ARID1A: variants seen among roughly 807,000 people sequenced by gnomAD.
The protein encoded by ARID1A is AT-rich interaction domain 1A, also known as AT-rich interactive domain-containing protein 1A.
Under a neutral mutation model 212.6 loss-of-function variants are expected in ARID1A, and 20 were observed. The ratio of observed to expected loss-of-function variants is 0.09; its 90% CI spans 0.07 to 0.14. ARID1A has a LOEUF of 0.14. Ranked by LOEUF, ARID1A falls within the 10% of genes least tolerant of loss-of-function variation. The probability of loss-of-function intolerance (pLI) is 1.00; values close to 1 mark genes in which losing one functional copy is unlikely to be tolerated. For missense variants in ARID1A, 2,587 were observed against 3,059.0 expected (o/e 0.85, Z 3.64); for synonymous variants, 1,376 against 1,222.1 (o/e 1.13, Z -2.63).
At chr1:26,764,615 C>T (rs1287419029) in intron 8 of ARID1A, 1 of 152,126 alleles carries the variant, frequency 6.6e-6, no homozygotes, top group Non-Finnish European at 1.5e-5. Context: ...GGGCGATTGA[C>T]TATAAAGAGG....
At chr1:26,744,668 G>A (rs1387725477) in intron 4 of ARID1A, among the ~76,000 whole-genome samples, 1 of 152,078 alleles carries the variant, frequency 6.6e-6, no homozygotes, top group Non-Finnish European at 1.5e-5. Flanking sequence ...GAAGACACTT[G>A]GTATCCTCTC....
Position 26,775,701 on chromosome 1 carries a change from C to T in ARID1A, c.5118C>T (p.Leu1706=), listed in dbSNP as rs573488283. Residue 1706 remains leucine, a synonymous_variant, in exon 19 of 20, where the codon CTC becomes CTT. Transcript: ENST00000324856. ...ACAACAGCATCATGACCTTCAACCT[C>T]AGTCAGGTGAGTATCAGTGCCTGGG... ...YDDNSIMTFN[L]SQLPGLLELL... 3 of 1,614,232 alleles carry T rather than the reference C, an allele frequency of 1.9e-6. No homozygotes were observed. The highest frequency in any genetic ancestry group is 2.5e-6 in the Non-Finnish European group (3 of 1,180,044).
Position 26,780,087 on chromosome 1 carries a change from A to G in ARID1A, c.6189A>G (p.Thr2063=), listed in dbSNP as rs370784034. 1.9e-6 allele frequency: 3 copies of G among 1,613,768 alleles called. No homozygotes were observed. The highest frequency in any genetic ancestry group is 3.3e-5 in the Admixed American group (2 of 59,972). ...LEMLRENTLV[T]LANISGQLDL... The stretch of plus-strand genomic sequence containing the variant: ...TGCTCCGGGAAAACACCTTGGTTAC[A>G]CTCGCCAACATCTCGGGGCAGTTGG... The change falls in exon 20 of 20, where the codon ACA becomes ACG. Residue 2063 remains threonine, a synonymous_variant. Coordinates refer to ENST00000324856, the MANE Select transcript of ARID1A (RefSeq NM_006015.6). This position sits in a 1 kb window ranked among gnomAD's most constrained non-coding sequence, Gnocchi z 7.2.
Position 26,775,094 on chromosome 1 carries a change from T to C in ARID1A, c.4867T>C (p.Ser1623Pro). ...MQKAGPPVPA[S>P]HIAPAPVQPP... ...GAAGGCAGGTCCCCCAGTACCTGCC[T>C]CGCACATAGCACCTGCCCCTGTGCA... Residue 1623 changes from serine (S) to proline (P), a missense_variant, in exon 18 of 20, where the codon TCG becomes CCG. This residue lies in a region of ARID1A where 890 missense variants were observed against 1,098.2 expected (regional missense o/e 0.81). Coordinates refer to ENST00000324856, the MANE Select transcript of ARID1A (RefSeq NM_006015.6). The C allele has an allele frequency of 6.2e-7, 1 of 1,611,906 alleles. No homozygotes were observed. The highest frequency in any genetic ancestry group is 8.5e-7 in the Non-Finnish European group (1 of 1,179,246).
rs1034702153 is a variant in ARID1A at position 26,768,007 on chromosome 1, G to C, written c.3198+8G>C. On this transcript the variant is annotated splice_region_variant and intron_variant, in intron 11 of 19. Transcript: ENST00000324856. ...ATTGGTGGATTGACTCAGGTGAGTG[G>C]GCGCCTGACACTTGACTGCCCCTGT... The C allele has an allele frequency of 6.2e-7, 1 of 1,612,826 alleles. No homozygotes were observed. Among genetic ancestry groups the C allele is most frequent in the Non-Finnish European group, 8.5e-7 (1 of 1,179,204 alleles).
intron 1 of ARID1A, 144 bp downstream of exon 1, chr1:26,697,684 T>C (rs1486796075): frequency 2.3e-6 from 2 of 852,242 alleles, no homozygotes; most frequent in East Asian, 3.4e-5. Flanking sequence ...CTCTTCTCTC[T>C]TAAAATGGCT....
Position 26,774,227 on chromosome 1 carries a change from T to C in ARID1A, c.4102-102T>C, listed in dbSNP as rs1371324512. The C allele has an allele frequency of 4.7e-6, 7 of 1,487,618 alleles. No individual in the cohort carries two copies. In the Admixed American group the frequency reaches 1.8e-4, roughly 38 times the overall value. The allele number at this position is 1,487,618 out of a possible 1,614,324, so 92.2% of individuals were successfully genotyped here. Reference sequence around the variant, plus strand: ...AGGTGATTCCCATGTTTTCTTGGAGTCTGTGTCCACCAAGCATCTGGTTGT... The same window carrying C: ...AGGTGATTCCCATGTTTTCTTGGAGCCTGTGTCCACCAAGCATCTGGTTGT... On this transcript the variant is annotated intron_variant, in intron 17 of 19. Coordinates refer to ENST00000324856, the MANE Select transcript of ARID1A (RefSeq NM_006015.6). This position sits in a 1 kb window ranked among gnomAD's most constrained non-coding sequence, Gnocchi z 5.6.
intron 4 of ARID1A, among the ~76,000 whole-genome samples, chr1:26,740,225 T>A (rs1403920994): frequency 1.3e-5 from 2 of 152,226 alleles, no homozygotes; most frequent in Non-Finnish European, 2.9e-5. Context: ...GTTGAACTTG[T>A]GTGACTTCTG....
chr1:26,707,365 C>T (rs915464183), intron 1 of ARID1A, among the ~76,000 whole-genome samples: 4 of 151,822 alleles, frequency 2.6e-5, no homozygotes, highest in African/African-American at 4.8e-5. Flanking sequence ...CCTTCCACCA[C>T]GCCCTGCTAA....
chr1:26,773,649 C>T lies in ARID1A; in HGVS notation c.3936C>T (p.Ser1312=), dbSNP rs2124113117. The T allele has an allele frequency of 6.2e-7, 1 of 1,614,212 alleles. No homozygotes were observed. The highest frequency in any genetic ancestry group is 8.5e-7 in the Non-Finnish European group (1 of 1,180,030). The change falls in exon 16 of 20, where the codon TCC becomes TCT. Residue 1312 remains serine (S), a synonymous_variant. Transcript: ENST00000324856. ...CCCCACAGCCGAATCTCATGCCTTC[C>T]AACCCAGACTCGGGGATGTATTCTC... ...TGAPQPNLMP[S]NPDSGMYSPS... is the part of the protein sequence containing the mutation.
At position 26,711,130 on chromosome 1, in the gene ARID1A, A is replaced by G. The variant is rs999116139; in HGVS notation, c.1137+13590A>G. 4.7e-5 allele frequency among the ~76,000 whole-genome samples: 7 copies of G among 150,114 alleles called. No homozygotes were observed. The South Asian group carries it at 1.5e-3, about 32-fold the overall frequency. ...TCTCTTGCTCTTTTTTTTTTTTGAG[A>G]CAGAGTCTCGCTTTGTCACCCAGGC... is the stretch of plus-strand genomic sequence containing the variant. On this transcript the variant is annotated intron_variant, in intron 1 of 19. Transcript: ENST00000324856.
intron 4 of ARID1A, among the ~76,000 whole-genome samples, chr1:26,747,726 T>TGTA (rs2080851026): frequency 6.6e-6 from 1 of 151,104 alleles, no homozygotes; most frequent in South Asian, 2.1e-4. Flanking sequence ...GGTGCATGCC[T>TGTA]GTAGTCCTGG....
chr1:26,706,507 C>T (rs771145966), intron 1 of ARID1A, among the ~76,000 whole-genome samples: 43 of 152,268 alleles, frequency 2.8e-4, no homozygotes, highest in Non-Finnish European at 4.3e-4. Context: ...ACGTGCTTGC[C>T]GGGCATGAGT....
rs751971163 is a variant in ARID1A, at chr1:26,780,798, G to A, written c.*42G>A. The A allele has an allele frequency of 3.3e-6, 5 of 1,521,762 alleles. No homozygotes were observed. The highest frequency in any genetic ancestry group is 4.4e-6 in the Non-Finnish European group (5 of 1,137,848). 94.3% of individuals were successfully genotyped at this position (1,521,762 alleles called of 1,614,324 possible). ...CCCCCCCCCGTGTGTGTGTGCGTGT[G>A]TGGAGAACTTAGAAACTGACTGTTG... is the stretch of plus-strand genomic sequence containing the variant. On this transcript the variant is annotated 3_prime_UTR_variant, in exon 20 of 20. Coordinates refer to ENST00000324856, the MANE Select transcript of ARID1A (RefSeq NM_006015.6). This position sits in a 1 kb window ranked among gnomAD's most constrained non-coding sequence, Gnocchi z 7.2.
At chr1:26,721,146 A>G (rs2080560662) in intron 1 of ARID1A, among the ~76,000 whole-genome samples, 1 of 151,966 alleles carries the variant, frequency 6.6e-6, no homozygotes, top group Non-Finnish European at 1.5e-5. Flanking sequence ...ATGAGATGAC[A>G]TTTTGGTTCT....
In ARID1A at chr1:26,773,737, G is replaced by T. The variant is rs749866495; in HGVS notation, c.4004+20G>T. The T allele has an allele frequency of 5.6e-6, 9 of 1,614,182 alleles. No homozygotes were observed. Among genetic ancestry groups the T allele is most frequent in the South Asian group, 2.2e-5 (2 of 91,078 alleles). On this transcript the variant is annotated intron_variant, in intron 16 of 19. Coordinates refer to ENST00000324856, the MANE Select transcript of ARID1A (RefSeq NM_006015.6). ...GCAACGGTGAGTAAAGCCTGGTCTC[G>T]GTGCTGCTATGGATCAGGCTTCGCC...
At position 26,718,564 on chromosome 1, in the gene ARID1A, T is replaced by C. The variant is rs975828092; in HGVS notation, c.1138-11087T>C. Among the ~76,000 whole-genome samples, 20 of 152,294 alleles carry C rather than the reference T, an allele frequency of 1.3e-4. No individual in the cohort carries two copies. The South Asian group carries it at 4.1e-3, about 32-fold the overall frequency. On this transcript the variant is annotated intron_variant, in intron 1 of 19. Coordinates refer to ENST00000324856, the MANE Select transcript of ARID1A (RefSeq NM_006015.6). ...AGGATACTGAAATTTGTGGAATATA[T>C]AAAATTGCATGGTATTTGCATATAA...
chr1:26,725,351 G>A (rs886427790), intron 1 of ARID1A, among the ~76,000 whole-genome samples: 2 of 152,126 alleles, frequency 1.3e-5, no homozygotes, highest in African/African-American at 2.4e-5. Context: ...ACGAGAGATT[G>A]GGAGATGGCA....
At chr1:26,735,291 A>AATTT (rs968805987) in intron 4 of ARID1A, among the ~76,000 whole-genome samples, 13 of 145,730 alleles carry the variant, frequency 8.9e-5, no homozygotes, top group African/African-American at 3.1e-4. Flanking sequence ...ACGCCCAACT[A>AATTT]ATTTATTTAT....
Sources: allele counts gnomAD v4.1 joint callset (sites outside exome capture counted in the v4.1 genomes callset), GRCh38; gene constraint gnomAD v4.1.1; regional missense constraint gnomAD v4.1.1; non-coding constraint Gnocchi (gnomAD v3.1); transcripts MANE v1.5; gene names NCBI Gene and HGNC (gene_info 2026-07-23, HGNC 2026-07-21).